TIMP2: variants seen among roughly 807,000 people sequenced by gnomAD.
TIMP2 encodes the protein TIMP metallopeptidase inhibitor 2.
Under a neutral mutation model 24.3 loss-of-function variants are expected in TIMP2, and 5 were observed. The observed-to-expected ratio is 0.21, with a 90% CI of 0.11 to 0.43. TIMP2 has a LOEUF of 0.43. TIMP2 is among the 20% of genes least tolerant of loss of function. The probability of loss-of-function intolerance (pLI) is 1.00; values close to 1 mark genes in which losing one functional copy is unlikely to be tolerated. For synonymous variants in TIMP2, 130 were observed against 123.2 expected (o/e 1.06, Z -0.37); for missense variants, 221 against 297.5 (o/e 0.74, Z 1.89).
chr17:78,861,221 C>T (rs1162963970), intron 3 of TIMP2, among the ~76,000 whole-genome samples: 1 of 152,182 alleles, frequency 6.6e-6, no homozygotes, highest in African/African-American at 2.4e-5. Context: ...CCCTGTCCAG[C>T]CTGGGCACCT....
intron 3 of TIMP2, among the ~76,000 whole-genome samples, chr17:78,864,857 G>C (rs1482634309): frequency 6.6e-6 from 1 of 152,056 alleles, no homozygotes; most frequent in African/African-American, 2.4e-5. Flanking sequence ...TTCAAGACCA[G>C]CCTGACCAAC....
intron 1 of TIMP2, among the ~76,000 whole-genome samples, chr17:78,884,405 C>T (rs1357968691): frequency 6.6e-6 from 1 of 152,206 alleles, no homozygotes; most frequent in Non-Finnish European, 1.5e-5. Context: ...TGAGCCCTGG[C>T]TGTTCGTCGG....
At chr17:78,916,640 G>A (rs551965026) in intron 1 of TIMP2, among the ~76,000 whole-genome samples, 99 of 152,222 alleles carry the variant, frequency 6.5e-4, no homozygotes, top group African/African-American at 2.2e-3. Context: ...TGGTAACTGC[G>A]AGCCTCTCAA....
intron 1 of TIMP2, chr17:78,900,002 T>G (rs2070065252): frequency 6.6e-6 from 1 of 152,218 alleles, no homozygotes; most frequent in South Asian, 2.1e-4. Context: ...GTTAGACATT[T>G]CTCTGTCTAA....
At chr17:78,873,367 G>T (rs1161734963) in intron 2 of TIMP2, among the ~76,000 whole-genome samples, 4 of 144,902 alleles carry the variant, frequency 2.8e-5, no homozygotes, top group Non-Finnish European at 6.0e-5. Context: ...ACAGTGGTGA[G>T]ATGTCTCACT....
At chr17:78,909,589 GC>G (rs34082009) in intron 1 of TIMP2, among the ~76,000 whole-genome samples, 64,450 of 151,558 alleles carry the variant, frequency 0.43, 13,872 homozygotes, top group Middle Eastern at 0.46. Context: ...ACCCCCAGCT[GC>G]CCGTGTGACC....
chr17:78,899,895 T>A (rs1321088041), intron 1 of TIMP2: 3 of 152,208 alleles, frequency 2.0e-5, no homozygotes, highest in African/African-American at 7.2e-5. Flanking sequence ...GCTTTGTCTT[T>A]GAAACATAAA....
chr17:78,883,694 A>G (rs1311523647), intron 1 of TIMP2, among the ~76,000 whole-genome samples: 1 of 152,024 alleles, frequency 6.6e-6, no homozygotes, highest in Non-Finnish European at 1.5e-5. Context: ...CTCCATGGAG[A>G]CCAGCTCTCC....
rs112803588 is a variant in TIMP2 at position 78,862,656 on chromosome 17, A to G, written c.341-5010T>C. 6.4e-3 allele frequency among the ~76,000 whole-genome samples: 972 copies of G among 152,368 alleles called. 10 individuals are homozygous for G. Among genetic ancestry groups the G allele is most frequent in the South Asian group, 0.042 (204 of 4,832 alleles). On this transcript the variant is annotated intron_variant, in intron 3 of 4. Transcript: ENST00000262768. ...TGGCATATGAACGGATCCATCGCCC[A>G]GGTAGTGGGCATAGCGCCCAATAGG...
At chr17:78,923,425 C>T (rs56209639) in intron 1 of TIMP2, among the ~76,000 whole-genome samples, 32,786 of 128,804 alleles carry the variant, frequency 0.25, 5,896 homozygotes, top group East Asian at 0.37. Flanking sequence ...GGGAGGGGTC[C>T]CAAGGCCCAA....
At chr17:78,895,309 G>C (rs2069981369) in intron 1 of TIMP2, among the ~76,000 whole-genome samples, 1 of 152,058 alleles carries the variant, frequency 6.6e-6, no homozygotes, top group African/African-American at 2.4e-5. Context: ...ATAAAAATCA[G>C]CAACAGATTT....
chr17:78,887,874 G>A (rs895417312), intron 1 of TIMP2, among the ~76,000 whole-genome samples: 2 of 151,958 alleles, frequency 1.3e-5, no homozygotes, highest in Non-Finnish European at 2.9e-5. Context: ...TCCTCTTTTT[G>A]GAAACAAGCA....
intron 3 of TIMP2, among the ~76,000 whole-genome samples, chr17:78,862,691 T>C (rs2069577658): frequency 6.6e-6 from 1 of 152,268 alleles, no homozygotes; most frequent in Non-Finnish European, 1.5e-5. Context: ...GTAGAATTTT[T>C]TCAGCCCTTA....
intron 1 of TIMP2, among the ~76,000 whole-genome samples, chr17:78,886,895 T>C (rs1036932708): frequency 1.3e-5 from 2 of 152,158 alleles, no homozygotes; most frequent in Admixed American, 6.5e-5. Context: ...TGGCTACTTT[T>C]TGTTTTTATA....
intron 3 of TIMP2, among the ~76,000 whole-genome samples, chr17:78,869,447 A>G (rs1272343514): frequency 6.6e-6 from 1 of 151,448 alleles, no homozygotes; most frequent in Non-Finnish European, 1.5e-5. Flanking sequence ...AAAACTATAA[A>G]CAAAGAGATG....
chr17:78,891,727 A>G lies in TIMP2; in HGVS notation c.131-17808T>C. On this transcript the variant is annotated intron_variant, in intron 1 of 4. Coordinates refer to ENST00000262768, the MANE Select transcript of TIMP2 (RefSeq NM_003255.5). This position sits in a 1 kb window ranked among gnomAD's most constrained non-coding sequence, Gnocchi z 4.5. ...CCTCCACAAGCCCGATTTCTCCCAC[A>G]GCAGCCACGAGTGGGTTTGACCTTT... 6.4e-7 allele frequency: 1 copy of G among 1,551,118 alleles called. No individual in the cohort carries two copies. The highest frequency in any genetic ancestry group is 8.7e-7 in the Non-Finnish European group (1 of 1,147,110).
At chr17:78,902,072 C>T in intron 1 of TIMP2, 1 of 504,822 alleles carries the variant, frequency 2.0e-6, no homozygotes, top group Non-Finnish European at 3.5e-6. Context: ...CTCCCCAACT[C>T]TTAGCCACGT....
intron 3 of TIMP2, among the ~76,000 whole-genome samples, chr17:78,861,907 G>A (rs1019505026): frequency 6.6e-6 from 1 of 152,122 alleles, no homozygotes; most frequent in African/African-American, 2.4e-5. Context: ...TAACATGAAC[G>A]TGGCTGTCAT....
rs553670930 is a variant in TIMP2, at chr17:78,877,344, C to T, written c.131-3425G>A. On this transcript the variant is annotated intron_variant, in intron 1 of 4. Transcript: ENST00000262768. ...CTATAATCCCAGCACTTCGGGAGGC[C>T]GAGGCGGGCGGATCACTTGAGGTCA... 1.2e-4 allele frequency among the ~76,000 whole-genome samples: 18 copies of T among 152,256 alleles called. No homozygotes were observed. In the Middle Eastern group the frequency reaches 0.017, roughly 144 times the overall value.
Sources: gnomAD v4.1 joint callset for allele counts (sites outside exome capture counted in the v4.1 genomes callset) on GRCh38, gnomAD v4.1.1 for gene constraint, Gnocchi (gnomAD v3.1) non-coding constraint, MANE v1.5 for transcripts, NCBI Gene and HGNC (gene_info 2026-07-23, HGNC 2026-07-21) for gene names.